Variants in SLC26A7 observed in about 807,000 individuals in gnomAD.
The protein encoded by SLC26A7 is anion exchange transporter.
In SLC26A7, 59 loss-of-function variants were observed where a neutral mutation model predicts 82.5. The ratio of observed to expected loss-of-function variants is 0.72; its 90% CI spans 0.58 to 0.89. SLC26A7 has a LOEUF of 0.89. SLC26A7 is among the 40% of genes least tolerant of loss of function. The pLI, the probability that SLC26A7 is intolerant of heterozygous loss-of-function variation, is 0.00. For missense variants in SLC26A7, 820 were observed against 793.0 expected, an observed-to-expected ratio of 1.03 and a Z score of -0.41; for synonymous variants, 271 against 274.3, an observed-to-expected ratio of 0.99 and a Z score of 0.12.
intron 1 of SLC26A7, among the ~76,000 whole-genome samples, chr8:91,213,662 T>C (rs968175166): frequency 1.5e-4 from 23 of 152,222 alleles, no homozygotes; most frequent in African/African-American, 4.8e-4. Flanking sequence ...CCAATTGCTT[T>C]AGGATTCAAA....
intron 1 of SLC26A7, among the ~76,000 whole-genome samples, chr8:91,213,009 A>G (rs758723097): frequency 6.6e-6 from 1 of 152,176 alleles, no homozygotes; most frequent in Non-Finnish European, 1.5e-5. Context: ...ATACAGTCAC[A>G]GTAGTATTCT....
intron 4 of SLC26A7, among the ~76,000 whole-genome samples, chr8:91,312,045 A>G (rs996602766): frequency 2.6e-5 from 4 of 152,088 alleles, no homozygotes; most frequent in Non-Finnish European, 5.9e-5. Flanking sequence ...TTTCTTTCAC[A>G]CATATGTCTC....
intron 15 of SLC26A7, among the ~76,000 whole-genome samples, chr8:91,377,909 CACCAAAAACTTTGACGTAGTTTTTGAAGA>C (rs1193827702): frequency 6.6e-6 from 1 of 152,228 alleles, no homozygotes; most frequent in Non-Finnish European, 1.5e-5. Flanking sequence ...CATGCCCATT[CACCAAAAACTTTGACGTAGTTTTTGAAGA>C]GAACTGGTAT....
chr8:91,282,631 T>C (rs527785517), intron 2 of SLC26A7, among the ~76,000 whole-genome samples: 2 of 152,306 alleles, frequency 1.3e-5, no homozygotes, highest in South Asian at 2.1e-4. Flanking sequence ...TCTAACCTGA[T>C]TGTAGTCTTA....
At chr8:91,300,176 T>C (rs1812124297) in intron 4 of SLC26A7, among the ~76,000 whole-genome samples, 1 of 152,168 alleles carries the variant, frequency 6.6e-6, no homozygotes, top group African/African-American at 2.4e-5. Context: ...TGTTTTAAAA[T>C]TTTCCTCCTA....
chr8:91,266,665 A>G (rs1388023228), intron 2 of SLC26A7, among the ~76,000 whole-genome samples: 1 of 151,972 alleles, frequency 6.6e-6, no homozygotes, highest in Non-Finnish European at 1.5e-5. Flanking sequence ...TTTTCTAGAT[A>G]TATAATCATG....
At chr8:91,393,079 A>G (rs987716930) in intron 16 of SLC26A7, among the ~76,000 whole-genome samples, 11 of 152,196 alleles carry the variant, frequency 7.2e-5, no homozygotes, top group African/African-American at 2.2e-4. Flanking sequence ...GCACCTTTCT[A>G]TATTTTATGT....
At chr8:91,348,871 T>A (rs1021654846) in intron 9 of SLC26A7, among the ~76,000 whole-genome samples, 27 of 152,224 alleles carry the variant, frequency 1.8e-4, no homozygotes, top group Middle Eastern at 3.2e-3. Flanking sequence ...ATTTGAAATA[T>A]AGCTTAAGTG....
intron 2 of SLC26A7, among the ~76,000 whole-genome samples, chr8:91,237,800 T>G (rs1810412959): frequency 6.6e-6 from 1 of 152,232 alleles, no homozygotes; most frequent in Admixed American, 6.5e-5. Flanking sequence ...AAAGCTCCTC[T>G]TCCAAAGATC....
At chr8:91,280,767 C>A (rs1204439375) in intron 2 of SLC26A7, among the ~76,000 whole-genome samples, 1 of 152,170 alleles carries the variant, frequency 6.6e-6, no homozygotes, top group Non-Finnish European at 1.5e-5. Flanking sequence ...TAATTCAGTA[C>A]TTTGGATCCA....
intron 5 of SLC26A7, among the ~76,000 whole-genome samples, chr8:91,323,287 A>G (rs1812841353): frequency 6.6e-6 from 1 of 152,216 alleles, no homozygotes; most frequent in Admixed American, 6.5e-5. Flanking sequence ...AAGATGTGGC[A>G]GGTTTAATTT....
intron 9 of SLC26A7, among the ~76,000 whole-genome samples, chr8:91,349,456 C>A (rs1252594111): frequency 6.6e-6 from 1 of 152,002 alleles, no homozygotes; most frequent in African/African-American, 2.4e-5. Flanking sequence ...TAGAGAAAAG[C>A]CCAAATGTAG....
At chr8:91,221,816 C>G (rs983075000) in intron 2 of SLC26A7, among the ~76,000 whole-genome samples, 1 of 152,124 alleles carries the variant, frequency 6.6e-6, no homozygotes, top group East Asian at 1.9e-4. Flanking sequence ...ATGCCTGTAG[C>G]TTTGTTCTTT....
chr8:91,219,777 G>A (rs1810128907), intron 2 of SLC26A7, among the ~76,000 whole-genome samples: 2 of 152,266 alleles, frequency 1.3e-5, no homozygotes, highest in South Asian at 2.1e-4. Flanking sequence ...CTTTGGGAGT[G>A]TGGCCCAGAA....
chr8:91,256,207 G>A (rs879797971), intron 2 of SLC26A7, among the ~76,000 whole-genome samples: 29 of 152,184 alleles, frequency 1.9e-4, no homozygotes, highest in African/African-American at 4.6e-4. Flanking sequence ...ATTGTGCCCC[G>A]GCATTGAGGC....
At chr8:91,258,318 G>T (rs1303844208) in intron 2 of SLC26A7, among the ~76,000 whole-genome samples, 1 of 151,930 alleles carries the variant, frequency 6.6e-6, no homozygotes. Context: ...TGTCTCCCAG[G>T]GACAAATTTT....
chr8:91,345,659 A>G (rs1042312283), intron 9 of SLC26A7, among the ~76,000 whole-genome samples: 8 of 152,242 alleles, frequency 5.3e-5, no homozygotes, highest in African/African-American at 1.7e-4. Context: ...TTTCTAGTCC[A>G]AGATGCCCAC....
At position 91,395,262 on chromosome 8, in the gene SLC26A7, CT is replaced by C. The variant is rs150688442; in HGVS notation, c.*173del. On this transcript the variant is annotated 3_prime_UTR_variant, in exon 19 of 19. Coordinates refer to ENST00000276609, the MANE Select transcript of SLC26A7 (RefSeq NM_052832.4). ...CATAGCAGTTGGAAAGAACTGCCAA[CT>C]TTTTTTTCTCATTTTTGTTAGTAAG... is the stretch of plus-strand genomic sequence containing the variant. 8 of 1,387,402 alleles carry C rather than the reference CT, an allele frequency of 5.8e-6. No individual in the cohort carries two copies. The highest frequency in any genetic ancestry group is 2.9e-5 in the African/African-American group (2 of 68,376). The allele number at this position is 1,387,402 out of a possible 1,614,324, so 85.9% of individuals were successfully genotyped here. A position where few individuals can be genotyped will look rare whatever the true frequency, so the allele number is the denominator to read the frequency against.
intron 2 of SLC26A7, among the ~76,000 whole-genome samples, chr8:91,277,626 C>A (rs1245157183): frequency 6.6e-6 from 1 of 152,014 alleles, no homozygotes; most frequent in African/African-American, 2.4e-5. Context: ...GCCCTATAAC[C>A]AGAACATTAT....
Sources: gnomAD v4.1 joint callset for allele counts (sites outside exome capture counted in the v4.1 genomes callset) on GRCh38, gnomAD v4.1.1 for gene constraint, MANE v1.5 for transcripts, NCBI Gene and HGNC (gene_info 2026-07-23, HGNC 2026-07-21) for gene names.